The following CAMTA1 variants were observed in gnomAD, a reference collection of about 807,000 sequenced individuals.
CAMTA1 encodes the protein calmodulin-binding transcription activator 1.
CAMTA1 carries 27 observed loss-of-function variants against 170.9 expected under a neutral mutation model. That is an observed-to-expected ratio of 0.16 (90% CI 0.12 to 0.22). The LOEUF is 0.22. Ranked by LOEUF, CAMTA1 falls within the 10% of genes least tolerant of loss-of-function variation. CAMTA1 has a pLI of 1.00. For missense variants in CAMTA1, 1,619 were observed against 2,217.2 expected (o/e 0.73, Z 5.42); for synonymous variants, 833 against 891.5 (o/e 0.93, Z 1.17).
intron 6 of CAMTA1, among the ~76,000 whole-genome samples, chr1:7,476,227 C>T (rs1205721260): frequency 6.6e-6 from 1 of 152,216 alleles, no homozygotes; most frequent in African/African-American, 2.4e-5. Context: ...AACTTGGCAG[C>T]AGAGACAGGA....
intron 5 of CAMTA1, among the ~76,000 whole-genome samples, chr1:7,429,214 C>T (rs1468891002): frequency 6.6e-6 from 1 of 152,152 alleles, no homozygotes; most frequent in African/African-American, 2.4e-5. Flanking sequence ...ACTGGATACA[C>T]AATTGGATAC....
intron 5 of CAMTA1, among the ~76,000 whole-genome samples, chr1:7,336,631 A>C (rs929873028): frequency 8.5e-5 from 13 of 152,214 alleles, no homozygotes; most frequent in African/African-American, 3.1e-4. Flanking sequence ...GGGACTGTTG[A>C]GCAGGTGCAG....
intron 3 of CAMTA1, among the ~76,000 whole-genome samples, chr1:7,038,871 C>G (rs1704021005): frequency 6.6e-6 from 1 of 152,074 alleles, no homozygotes; most frequent in African/African-American, 2.4e-5. Context: ...GAAACCCTGT[C>G]TCTACCAAAA....
chr1:7,654,192 C>A (rs1207036919), intron 7 of CAMTA1, among the ~76,000 whole-genome samples: 1 of 151,876 alleles, frequency 6.6e-6, no homozygotes, highest in Non-Finnish European at 1.5e-5. Context: ...ACCAGCCTGA[C>A]CACCATGCTG....
chr1:6,909,286 T>A (rs1191502792), intron 3 of CAMTA1, among the ~76,000 whole-genome samples: 1 of 152,250 alleles, frequency 6.6e-6, no homozygotes, highest in Non-Finnish European at 1.5e-5. Flanking sequence ...TAGTACCTAA[T>A]ATTTGGATAC....
In CAMTA1 at chr1:7,500,275, C is replaced by T. The variant is rs1303071288; in HGVS notation, c.510+32374C>T. Among the ~76,000 whole-genome samples the T allele has an allele frequency of 1.5e-4, 19 of 128,642 alleles. No individual in the cohort carries two copies. The South Asian group carries it at 2.4e-3, about 16-fold the overall frequency. The allele number at this position is 128,642 out of a possible 152,430, so 84.4% of individuals were successfully genotyped here. On this transcript the variant is annotated intron_variant, in intron 6 of 22. Coordinates refer to ENST00000303635, the MANE Select transcript of CAMTA1 (RefSeq NM_015215.4). ...GAGAGGATTGTGTGAGCCTGGTGTG[C>T]GTGCATATGTATATGAGTGTGTGTG...
Position 7,426,668 on chromosome 1 carries a change from G to C in CAMTA1, c.439-41162G>C, listed in dbSNP as rs2091889178. ...CGACTGTGCAAAAAAGCAGGGGTTG[G>C]GGCGGGGGAAAGGTGGAGAAAACTT... On this transcript the variant is annotated intron_variant, in intron 5 of 22. Coordinates refer to ENST00000303635, the MANE Select transcript of CAMTA1 (RefSeq NM_015215.4). The surrounding 1 kb of genome is among the most constrained non-coding windows in gnomAD (Gnocchi z 4.8). Among the ~76,000 whole-genome samples, 1 of 148,030 alleles carries C rather than the reference G, an allele frequency of 6.8e-6. No homozygotes were observed. The highest frequency in any genetic ancestry group is 1.5e-5 in the Non-Finnish European group (1 of 67,376).
At chr1:6,787,584 TTA>T (rs1306506219) in intron 1 of CAMTA1, among the ~76,000 whole-genome samples, 1 of 152,200 alleles carries the variant, frequency 6.6e-6, no homozygotes, top group East Asian at 1.9e-4. Flanking sequence ...ATGGGGACCT[TTA>T]TGTGTAATGA....
intron 6 of CAMTA1, among the ~76,000 whole-genome samples, chr1:7,489,615 G>A (rs972353714): frequency 5.3e-5 from 8 of 152,214 alleles, no homozygotes; most frequent in African/African-American, 1.9e-4. Flanking sequence ...ACTCACAAGG[G>A]ACCTGGTGGC....
At chr1:7,232,637 G>A (rs1354258166) in intron 4 of CAMTA1, among the ~76,000 whole-genome samples, 1 of 152,156 alleles carries the variant, frequency 6.6e-6, no homozygotes, top group African/African-American at 2.4e-5. Context: ...CACGTAGGGA[G>A]CCTCCAGAAA....
chr1:7,163,567 G>T (rs894621249), intron 4 of CAMTA1, among the ~76,000 whole-genome samples: 1 of 152,196 alleles, frequency 6.6e-6, no homozygotes, highest in Non-Finnish European at 1.5e-5. Context: ...AAATACTTTG[G>T]AATTGGTAAC....
At chr1:7,752,590 CCTT>C (rs1033857182) in intron 21 of CAMTA1, 57 bp downstream of exon 21, 44 of 1,319,202 alleles carry the variant, frequency 3.3e-5, no homozygotes, top group Middle Eastern at 3.9e-4. Context: ...GCAACCCTGA[CCTT>C]CTTAACCCTC....
chr1:7,261,325 C>T (rs1344199090), intron 5 of CAMTA1, among the ~76,000 whole-genome samples: 1 of 152,132 alleles, frequency 6.6e-6, no homozygotes, highest in Non-Finnish European at 1.5e-5. Flanking sequence ...ACTTTTAATG[C>T]TAAGAGCTCT....
At chr1:7,130,324 A>G (rs1161517081) in intron 4 of CAMTA1, among the ~76,000 whole-genome samples, 4 of 152,188 alleles carry the variant, frequency 2.6e-5, no homozygotes. Flanking sequence ...TTTATTGCTG[A>G]GTAGTATTCC....
At chr1:7,305,708 A>G (rs1226620004) in intron 5 of CAMTA1, among the ~76,000 whole-genome samples, 1 of 147,184 alleles carries the variant, frequency 6.8e-6, no homozygotes, top group Non-Finnish European at 1.5e-5. Flanking sequence ...ATAGGTTTTC[A>G]TGTAAACAGT....
intron 3 of CAMTA1, among the ~76,000 whole-genome samples, chr1:7,052,866 T>C (rs1483866510): frequency 1.3e-5 from 2 of 152,202 alleles, no homozygotes; most frequent in African/African-American, 2.4e-5. Context: ...TCTGGTCTCT[T>C]GGGCCGGGCC....
chr1:7,384,870 A>C (rs2087752923), intron 5 of CAMTA1, among the ~76,000 whole-genome samples: 1 of 152,192 alleles, frequency 6.6e-6, no homozygotes, highest in Non-Finnish European at 1.5e-5. Flanking sequence ...GGGCCACTGA[A>C]GCCTCTGCCT....
At chr1:7,500,740 G>A (rs2093992691) in intron 6 of CAMTA1, among the ~76,000 whole-genome samples, 1 of 152,204 alleles carries the variant, frequency 6.6e-6, no homozygotes, top group Admixed American at 6.5e-5. Flanking sequence ...AGGGAGGGCC[G>A]GTGTTCCCTT....
intron 5 of CAMTA1, among the ~76,000 whole-genome samples, chr1:7,448,954 G>A (rs2092745891): frequency 1.3e-5 from 2 of 152,200 alleles, no homozygotes; most frequent in South Asian, 2.1e-4. Context: ...ACACACAGGT[G>A]GAAATGGCTC....
Sources: allele counts gnomAD v4.1 joint callset (sites outside exome capture counted in the v4.1 genomes callset), GRCh38; gene constraint gnomAD v4.1.1; non-coding constraint Gnocchi (gnomAD v3.1); transcripts MANE v1.5; gene names NCBI Gene and HGNC (gene_info 2026-07-23, HGNC 2026-07-21).